RNF115: variants seen among roughly 807,000 people sequenced by gnomAD.
RNF115 encodes E3 ubiquitin-protein ligase RNF115.
RNF115 carries 31 observed loss-of-function variants against 39.2 expected under a neutral mutation model. The ratio of observed to expected loss-of-function variants is 0.79; its 90% CI spans 0.59 to 1.07. The LOEUF (loss-of-function observed/expected upper bound fraction) is 1.07, where lower values mean the gene tolerates loss of function less well. Ranked by LOEUF, RNF115 falls within the 50% of genes least tolerant of loss-of-function variation. RNF115 has a pLI of 0.00. For missense variants in RNF115, 384 were observed against 381.7 expected (o/e 1.01, Z -0.05); for synonymous variants, 124 against 131.0 (o/e 0.95, Z 0.37).
In RNF115 at chr1:145,744,370, A is replaced by T. The variant is rs1571697648; in HGVS notation, c.*2496T>A. ...AGTGTGTATTCTCAAGCTACATTTC[A>T]GGGGCAACGCACAGTAAGTAGATCT... On this transcript the variant is annotated 3_prime_UTR_variant, in exon 9 of 9. Transcript: ENST00000582693. 1 of 152,422 alleles carries T rather than the reference A, an allele frequency of 6.6e-6. No individual in the cohort carries two copies. Among genetic ancestry groups the T allele is most frequent in the East Asian group, 1.9e-4 (1 of 5,220 alleles). 9.4% of individuals were successfully genotyped at this position (152,422 alleles called of 1,614,324 possible). A position where few individuals can be genotyped will look rare whatever the true frequency, so the allele number is the denominator to read the frequency against.
At chr1:145,815,122 T>C (rs1473952661) in intron 1 of RNF115, among the ~76,000 whole-genome samples, 2 of 152,304 alleles carry the variant, frequency 1.3e-5, no homozygotes, top group Non-Finnish European at 2.9e-5. Context: ...ACTTTTATTA[T>C]GGGTGGTTTG....
intron 4 of RNF115, among the ~76,000 whole-genome samples, chr1:145,770,719 C>A (rs1307469761): frequency 1.3e-5 from 2 of 152,164 alleles, no homozygotes; most frequent in Admixed American, 6.5e-5. Flanking sequence ...TTACTTCACA[C>A]AAATTAAACA....
intron 5 of RNF115, among the ~76,000 whole-genome samples, chr1:145,752,585 C>CTTTT (rs60257682): frequency 0.016 from 1,316 of 83,670 alleles, 212 homozygotes; most frequent in African/African-American, 0.071. Flanking sequence ...CTATGCAGCT[C>CTTTT]TTTTTTTTTT....
intron 1 of RNF115, among the ~76,000 whole-genome samples, chr1:145,807,083 TAC>T (rs1649495779): frequency 6.6e-6 from 1 of 152,232 alleles, no homozygotes; most frequent in African/African-American, 2.4e-5. Flanking sequence ...AAGGTACCAA[TAC>T]AGTTACTGAA....
intron 3 of RNF115, among the ~76,000 whole-genome samples, chr1:145,779,722 G>A (rs782165799): frequency 1.3e-5 from 2 of 151,922 alleles, no homozygotes; most frequent in Non-Finnish European, 2.9e-5. Flanking sequence ...GAGTGCAGTG[G>A]CACAATCTCA....
intron 1 of RNF115, among the ~76,000 whole-genome samples, chr1:145,805,214 A>G (rs1237725229): frequency 6.6e-6 from 1 of 152,234 alleles, no homozygotes; most frequent in Non-Finnish European, 1.5e-5. Context: ...TTTCACAAGT[A>G]TGATCTAATT....
chr1:145,750,459 G>C lies in RNF115; in HGVS notation c.615C>G (p.Asp205Glu). The C allele has an allele frequency of 6.2e-7, 1 of 1,614,044 alleles. No homozygotes were observed. The highest frequency in any genetic ancestry group is 8.5e-7 in the Non-Finnish European group (1 of 1,179,970). ...TTGGAAGAGATGTGATCTTTTCCTTGTCAGCTGGGGGAGGGCCTGTGTTTT... is the reference window on the plus strand; with the variant it reads ...TTGGAAGAGATGTGATCTTTTCCTTCTCAGCTGGGGGAGGGCCTGTGTTTT... ...QLENTGPPPADKEKITSLPTV... is the reference protein window; with the variant it reads ...QLENTGPPPAEKEKITSLPTV... The change falls in exon 7 of 9, where the codon GAC becomes GAG. Residue 205 changes from aspartate (D) to glutamate (E), a missense_variant. Physicochemically the swap from Asp to Glu is conservative, Grantham distance 45. Transcript: ENST00000582693.
chr1:145,765,255 C>T (rs777562181), intron 4 of RNF115, among the ~76,000 whole-genome samples: 1 of 152,204 alleles, frequency 6.6e-6, no homozygotes, highest in Non-Finnish European at 1.5e-5. Context: ...ACTCCCTAAT[C>T]TCAAGTACCC....
In RNF115 at chr1:145,746,746, A is replaced by C. The variant is rs1401552541; in HGVS notation, c.*120T>G. The C allele has an allele frequency of 1.1e-6, 1 of 943,688 alleles. No homozygotes were observed. Among genetic ancestry groups the C allele is most frequent in the Non-Finnish European group, 1.6e-6 (1 of 639,504 alleles). 58.5% of individuals were successfully genotyped at this position (943,688 alleles called of 1,614,324 possible). A position where few individuals can be genotyped will look rare whatever the true frequency, so the allele number is the denominator to read the frequency against. On this transcript the variant is annotated 3_prime_UTR_variant, in exon 9 of 9. Coordinates refer to ENST00000582693, the MANE Select transcript of RNF115 (RefSeq NM_014455.4). The stretch of plus-strand genomic sequence containing the variant: ...AAGAAGAAAAACATTCATTGCATTT[A>C]TATTATGTGTTGAGTTTCTTACATA...
chr1:145,786,549 A>G (rs1553718123), intron 2 of RNF115, among the ~76,000 whole-genome samples: 1 of 152,212 alleles, frequency 6.6e-6, no homozygotes, highest in African/African-American at 2.4e-5. Flanking sequence ...AAGAATTAAG[A>G]ACAAAAACCA....
chr1:145,801,128 G>A (rs1010055866), intron 1 of RNF115, among the ~76,000 whole-genome samples: 5 of 151,592 alleles, frequency 3.3e-5, no homozygotes, highest in African/African-American at 4.9e-5. Context: ...CCAAGATTAC[G>A]ACACCGCACT....
intron 4 of RNF115, among the ~76,000 whole-genome samples, chr1:145,764,247 T>G (rs1553714345): frequency 6.6e-6 from 1 of 152,190 alleles, no homozygotes; most frequent in African/African-American, 2.4e-5. Flanking sequence ...GTGCAGTGGC[T>G]TGATCTCGGC....
At chr1:145,804,610 G>A (rs954952306) in intron 1 of RNF115, among the ~76,000 whole-genome samples, 11 of 151,952 alleles carry the variant, frequency 7.2e-5, no homozygotes, top group African/African-American at 1.7e-4. Flanking sequence ...AGATAGTACC[G>A]GGAATATACT....
At chr1:145,812,169 T>C (rs1649755638) in intron 1 of RNF115, among the ~76,000 whole-genome samples, 1 of 148,134 alleles carries the variant, frequency 6.8e-6, no homozygotes, top group African/African-American at 2.4e-5. Flanking sequence ...ATTCTAAGCA[T>C]GGTGAAAGGT....
rs587673199 is a variant in RNF115 at position 145,787,094 on chromosome 1, A to G, written c.161+1814T>C. ...AACAGTAACAGTAAAGGAATTACCTACTGCCATTAAAATCTCCAAAGTCAC... is the reference window on the plus strand; with the variant it reads ...AACAGTAACAGTAAAGGAATTACCTGCTGCCATTAAAATCTCCAAAGTCAC... On this transcript the variant is annotated intron_variant, in intron 2 of 8. Coordinates refer to ENST00000582693, the MANE Select transcript of RNF115 (RefSeq NM_014455.4). The G allele has an allele frequency of 1.7e-5, 19 of 1,148,496 alleles. 1 individual carries two copies. The South Asian group carries it at 2.2e-4, about 13-fold the overall frequency. 71.1% of individuals were successfully genotyped at this position (1,148,496 alleles called of 1,614,324 possible).
chr1:145,814,860 C>G (rs1649909620), intron 1 of RNF115, among the ~76,000 whole-genome samples: 1 of 152,194 alleles, frequency 6.6e-6, no homozygotes, highest in African/African-American at 2.4e-5. Context: ...ATTCAAATTT[C>G]ACATGGTAGC....
chr1:145,779,418 G>A (rs1015763863), intron 3 of RNF115, among the ~76,000 whole-genome samples: 7 of 152,080 alleles, frequency 4.6e-5, no homozygotes, highest in Admixed American at 6.5e-5. Flanking sequence ...CAAACAATCC[G>A]CCTGCCTCCG....
At chr1:145,801,768 C>G (rs587739698) in intron 1 of RNF115, among the ~76,000 whole-genome samples, 3 of 152,032 alleles carry the variant, frequency 2.0e-5, no homozygotes, top group African/African-American at 7.2e-5. Flanking sequence ...TAACTCATTT[C>G]TAATTCAGTA....
chr1:145,741,212 C>G lies in RNF115; in HGVS notation c.*5654G>C, dbSNP rs1222250205. The G allele has an allele frequency of 6.6e-6, 1 of 152,142 alleles. No individual in the cohort carries two copies. Among genetic ancestry groups the G allele is most frequent in the African/African-American group, 2.4e-5 (1 of 41,422 alleles). 9.4% of individuals were successfully genotyped at this position (152,142 alleles called of 1,614,324 possible). ...AAGTAAAGAATCACAGGCTTACATC[C>G]TATGATCACAGATCTAAGTGTTCTG... is the stretch of plus-strand genomic sequence containing the variant. On this transcript the variant is annotated 3_prime_UTR_variant, in exon 9 of 9. Coordinates refer to ENST00000582693, the MANE Select transcript of RNF115 (RefSeq NM_014455.4).
Sources: gnomAD v4.1 joint callset for allele counts (sites outside exome capture counted in the v4.1 genomes callset) on GRCh38, gnomAD v4.1.1 for gene constraint, MANE v1.5 for transcripts, NCBI Gene and HGNC (gene_info 2026-07-23, HGNC 2026-07-21) for gene names.